Variants in USH2A observed in about 807,000 individuals in gnomAD.
The protein encoded by USH2A is Usher syndrome 2A (autosomal recessive, mild).
Under a neutral mutation model 538.9 loss-of-function variants are expected in USH2A, and 443 were observed. The ratio of observed to expected loss-of-function variants is 0.82; its 90% CI spans 0.76 to 0.89. The LOEUF is 0.89. Among genes scored for constraint, USH2A ranks in the 40% least tolerant of loss-of-function variants. The probability of loss-of-function intolerance (pLI) is 0.00; values close to 1 mark genes in which losing one functional copy is unlikely to be tolerated. For missense variants in USH2A, 6,633 were observed against 6,324.8 expected (o/e 1.05, Z -1.65); for synonymous variants, 2,413 against 2,273.5 (o/e 1.06, Z -1.75).
chr1:216,103,715 C>T (rs541759430), intron 21 of USH2A, among the ~76,000 whole-genome samples: 1 of 152,146 alleles, frequency 6.6e-6, no homozygotes, highest in African/African-American at 2.4e-5. Flanking sequence ...AATAAAAAGC[C>T]AAGCAACCCA....
Position 215,836,488 on chromosome 1 carries a change from T to TAATA in USH2A, c.9371+1502_9371+1503insTATT, listed in dbSNP as rs1553267731. On this transcript the variant is annotated intron_variant, in intron 47 of 71. Coordinates refer to ENST00000307340, the MANE Select transcript of USH2A (RefSeq NM_206933.4). Reference sequence around the variant, plus strand: ...ATTATATATATATATATAATATATATTATATATATAATATATATTATATAT... The same window carrying TAATA: ...ATTATATATATATATATAATATATATAATATATATATATAATATATATTATATAT... 9.6e-5 allele frequency among the ~76,000 whole-genome samples: 2 copies of TAATA among 20,810 alleles called. 1 individual carries two copies. The highest frequency in any genetic ancestry group is 1.8e-4 in the Non-Finnish European group (2 of 11,274). The allele number at this position is 20,810 out of a possible 152,430, so 13.7% of individuals were successfully genotyped here. A position where few individuals can be genotyped will look rare whatever the true frequency, so the allele number is the denominator to read the frequency against.
At position 216,009,963 on chromosome 1, in the gene USH2A, G is replaced by A. The variant is rs192464876; in HGVS notation, c.6326-9401C>T. 8.5e-5 allele frequency among the ~76,000 whole-genome samples: 13 copies of A among 152,172 alleles called. No individual in the cohort carries two copies. In the East Asian group the frequency reaches 1.2e-3, roughly 14 times the overall value. On this transcript the variant is annotated intron_variant, in intron 32 of 71. Coordinates refer to ENST00000307340, the MANE Select transcript of USH2A (RefSeq NM_206933.4). ...AATCCAGCCCAGTTCATGGTCGCTC[G>A]GCATCAACCCTGAGAAGCTTTACAG...
rs143499892 is a variant in USH2A, at chr1:215,708,050, T to C, written c.12066+19980A>G. On this transcript the variant is annotated intron_variant, in intron 61 of 71. Coordinates refer to ENST00000307340, the MANE Select transcript of USH2A (RefSeq NM_206933.4). The stretch of plus-strand genomic sequence containing the variant: ...TTTATAATAAGCAATTTGACCATCA[T>C]ATCTGAAGCAAAAATCCCAGAAGAC... Among the ~76,000 whole-genome samples, 592 of 152,298 alleles carry C rather than the reference T, an allele frequency of 3.9e-3. 4 individuals carry two copies. Among genetic ancestry groups the C allele is most frequent in the African/African-American group, 0.014 (568 of 41,560 alleles).
chr1:215,688,524 T>C (rs1040356821), intron 61 of USH2A, among the ~76,000 whole-genome samples: 5 of 152,110 alleles, frequency 3.3e-5, no homozygotes, highest in African/African-American at 1.2e-4. Context: ...CAAAGAACCA[T>C]GGACTGAGTT....
At chr1:215,804,708 T>C (rs372153395) in intron 49 of USH2A, among the ~76,000 whole-genome samples, 2 of 151,978 alleles carry the variant, frequency 1.3e-5, no homozygotes, top group South Asian at 4.1e-4. Context: ...AGTTCAACCA[T>C]TGTGGAAGTC....
At chr1:216,078,526 GA>G (rs949040307) in intron 26 of USH2A, among the ~76,000 whole-genome samples, 164 bp from the exon 27 acceptor site, 5 of 152,214 alleles carry the variant, frequency 3.3e-5, no homozygotes, top group African/African-American at 1.2e-4. Context: ...AGGAACATAG[GA>G]AACACTTTTC....
chr1:215,753,587 C>T (rs1446524328), intron 58 of USH2A, among the ~76,000 whole-genome samples: 1 of 152,022 alleles, frequency 6.6e-6, no homozygotes, highest in African/African-American at 2.4e-5. Context: ...CACATGTTCT[C>T]ACTCATAGGT....
chr1:216,178,740 G>T (rs1169392333), intron 20 of USH2A, among the ~76,000 whole-genome samples: 1 of 152,062 alleles, frequency 6.6e-6, no homozygotes, highest in Non-Finnish European at 1.5e-5. Context: ...AATGTTCTAG[G>T]ACTGTAATGT....
chr1:215,681,083 C>G (rs796178675), intron 61 of USH2A, among the ~76,000 whole-genome samples: 12 of 151,902 alleles, frequency 7.9e-5, no homozygotes, highest in African/African-American at 2.9e-4. Flanking sequence ...AGAATTTGGT[C>G]TTTGTTGCTT....
intron 16 of USH2A, 62 bp from the exon 17 acceptor site, chr1:216,200,183 C>T (rs2034953820): frequency 6.6e-7 from 1 of 1,517,000 alleles, no homozygotes; most frequent in Non-Finnish European, 9.0e-7. Context: ...AGAATCATTG[C>T]TAACTGCTTT....
chr1:215,665,380 G>T (rs1466456986), intron 64 of USH2A, among the ~76,000 whole-genome samples: 2 of 152,218 alleles, frequency 1.3e-5, no homozygotes, highest in East Asian at 1.9e-4. Flanking sequence ...GAGACCCTGA[G>T]TGTGCGTGGG....
chr1:216,241,662 G>A (rs2035940872), intron 13 of USH2A, among the ~76,000 whole-genome samples: 2 of 152,054 alleles, frequency 1.3e-5, no homozygotes, highest in Non-Finnish European at 2.9e-5. Flanking sequence ...AGTCTCCCAA[G>A]TAGCTGGGAT....
intron 4 of USH2A, 107 bp downstream of exon 4, chr1:216,364,846 C>G: frequency 7.0e-7 from 1 of 1,429,914 alleles, no homozygotes; most frequent in South Asian, 1.2e-5. Context: ...TTCAGTAGCC[C>G]TAGAAGATGA....
chr1:215,798,931 C>T lies in USH2A; in HGVS notation c.9934G>A (p.Gly3312Arg). 6.2e-7 allele frequency: 1 copy of T among 1,614,026 alleles called. No individual in the cohort carries two copies. Among genetic ancestry groups the T allele is most frequent in the Non-Finnish European group, 8.5e-7 (1 of 1,179,970 alleles). Residue 3312 changes from glycine to arginine, a missense_variant, in exon 50 of 72, where the codon GGA becomes AGA. Gly to Arg is a moderately radical substitution (Grantham distance 125). Transcript: ENST00000307340. The part of the protein sequence containing the change: ...NDLECCGGEE[G>R]VVYNRLPGMF... Reference sequence around the variant, plus strand: ...CCTGGAAGGCGATTGTACACCACTCCTTCTTCTCCACCACAACACTCTAAA... The same window carrying T: ...CCTGGAAGGCGATTGTACACCACTCTTTCTTCTCCACCACAACACTCTAAA...
chr1:215,837,613 A>C (rs1372569862), intron 47 of USH2A, among the ~76,000 whole-genome samples: 4 of 152,166 alleles, frequency 2.6e-5, no homozygotes, highest in Non-Finnish European at 4.4e-5. Context: ...GCTTTAGGGC[A>C]CTCTGATGTA....
rs550506823 is a variant in USH2A, at chr1:216,129,805, T to C, written c.4628-32592A>G. Among the ~76,000 whole-genome samples, 10 of 152,090 alleles carry C rather than the reference T, an allele frequency of 6.6e-5. No individual in the cohort carries two copies. The East Asian group carries it at 1.9e-3, about 29-fold the overall frequency. On this transcript the variant is annotated intron_variant, in intron 21 of 71. Transcript: ENST00000307340. ...AAGCATCACATTACCTGACTTCAAA[T>C]TATACTACACAGCTATAGTAACCAA... is the stretch of plus-strand genomic sequence containing the variant.
intron 21 of USH2A, among the ~76,000 whole-genome samples, chr1:216,173,613 T>A (rs1301178460): frequency 6.6e-6 from 1 of 152,160 alleles, no homozygotes; most frequent in African/African-American, 2.4e-5. Context: ...TCCCAGACAC[T>A]GCATCTGCCC....
rs181558741 is a variant in USH2A, at chr1:216,136,955, T to C, written c.4627+38297A>G. On this transcript the variant is annotated intron_variant, in intron 21 of 71. Coordinates refer to ENST00000307340, the MANE Select transcript of USH2A (RefSeq NM_206933.4). ...CTTCAGAATTGTGAGACAATAAACTTCTATGGTTTAAGCTACCTGATGCAG... is the reference window on the plus strand; with the variant it reads ...CTTCAGAATTGTGAGACAATAAACTCCTATGGTTTAAGCTACCTGATGCAG... Among the ~76,000 whole-genome samples the C allele has an allele frequency of 2.4e-3, 370 of 152,266 alleles. 1 individual carries two copies. The highest frequency in any genetic ancestry group is 3.9e-3 in the Non-Finnish European group (267 of 68,016).
At chr1:216,127,050 G>A (rs183681078) in intron 21 of USH2A, among the ~76,000 whole-genome samples, 1 of 152,298 alleles carries the variant, frequency 6.6e-6, no homozygotes, top group Non-Finnish European at 1.5e-5. Flanking sequence ...TCTTAGCTAT[G>A]GATAGAGGTC....
Sources: gnomAD v4.1 joint callset for allele counts (sites outside exome capture counted in the v4.1 genomes callset) on GRCh38, gnomAD v4.1.1 for gene constraint, MANE v1.5 for transcripts, NCBI Gene and HGNC (gene_info 2026-07-23, HGNC 2026-07-21) for gene names.